The following LYST variants were observed in gnomAD, a reference collection of about 807,000 sequenced individuals.
LYST encodes lysosomal-trafficking regulator.
Under a neutral mutation model 413.6 loss-of-function variants are expected in LYST, and 192 were observed. The ratio of observed to expected loss-of-function variants is 0.46; its 90% confidence interval spans 0.41 to 0.52. LYST has a LOEUF of 0.52. LYST is among the 20% of genes least tolerant of loss of function. The pLI is 0.00. For missense variants in LYST, 3,815 were observed against 4,499.9 expected, an observed-to-expected ratio of 0.85 and a Z score of 4.35; for synonymous variants, 1,525 against 1,567.3, an observed-to-expected ratio of 0.97 and a Z score of 0.64.
Position 235,666,635 on chromosome 1 carries a change from CAT to C in LYST, c.11039-2016_11039-2015del, listed in dbSNP as rs1342573422. 6.7e-4 allele frequency among the ~76,000 whole-genome samples: 100 copies of C among 150,370 alleles called. 1 individual carries two copies. The highest frequency in any genetic ancestry group is 2.2e-3 in the African/African-American group (90 of 40,082). On this transcript the variant is annotated intron_variant, in intron 50 of 52. Transcript: ENST00000389793. ...ACACACACACACACACACACACACACATGCCCAATGTTCTACTAAGTTTTCCC... is the reference window on the plus strand; with the variant it reads ...ACACACACACACACACACACACACACGCCCAATGTTCTACTAAGTTTTCCC...
chr1:235,740,751 G>T (rs1347497363), intron 31 of LYST, among the ~76,000 whole-genome samples: 1 of 152,152 alleles, frequency 6.6e-6, no homozygotes, highest in Non-Finnish European at 1.5e-5. Context: ...TATGAAAAAG[G>T]CTGACATAGA....
intron 14 of LYST, 121 bp downstream of exon 14, chr1:235,787,079 G>T: frequency 1.4e-6 from 1 of 732,088 alleles, no homozygotes; most frequent in South Asian, 1.7e-5. Flanking sequence ...AAAAAATATA[G>T]TAAATTTTAT....
In LYST at chr1:235,689,663, C is replaced by T. The variant is rs553124105; in HGVS notation, c.10702-2616G>A. 5.3e-5 allele frequency among the ~76,000 whole-genome samples: 8 copies of T among 152,236 alleles called. No homozygotes were observed. In the South Asian group the frequency reaches 6.2e-4, roughly 12 times the overall value. ...AGATCTTAAATATTCTCATCACACACGTAAAAAATGCTAACTATGTGAGGT... is the reference window on the plus strand; with the variant it reads ...AGATCTTAAATATTCTCATCACACATGTAAAAAATGCTAACTATGTGAGGT... On this transcript the variant is annotated intron_variant, in intron 47 of 52. Transcript: ENST00000389793.
At chr1:235,737,228 T>C (rs1321990503) in intron 31 of LYST, 1 of 152,202 alleles carries the variant, frequency 6.6e-6, no homozygotes, top group Non-Finnish European at 1.5e-5. Flanking sequence ...GTGATCATGT[T>C]GATCATCTTA....
intron 25 of LYST, among the ~76,000 whole-genome samples, chr1:235,754,813 C>T (rs1038322702): frequency 1.3e-5 from 2 of 152,016 alleles, no homozygotes; most frequent in Non-Finnish European, 1.5e-5. Flanking sequence ...GTGGCCCACA[C>T]CTATAATCCC....
At chr1:235,776,850 T>C (rs1669304164) in intron 17 of LYST, among the ~76,000 whole-genome samples, 1 of 152,148 alleles carries the variant, frequency 6.6e-6, no homozygotes, top group Admixed American at 6.5e-5. Context: ...CATTTTTGGT[T>C]AATAGAAAAC....
intron 23 of LYST, among the ~76,000 whole-genome samples, chr1:235,758,505 G>A (rs1279135673): frequency 6.6e-6 from 1 of 152,180 alleles, no homozygotes; most frequent in Non-Finnish European, 1.5e-5. Flanking sequence ...TGAGTGGAAT[G>A]GAGCAGCCAC....
chr1:235,736,168 A>G lies in LYST; in HGVS notation c.8359-1509T>C, dbSNP rs191280423. 6.6e-5 allele frequency: 10 copies of G among 152,268 alleles called. No homozygotes were observed. The East Asian group carries it at 1.3e-3, about 21-fold the overall frequency. 9.4% of individuals were successfully genotyped at this position (152,268 alleles called of 1,614,324 possible). On this transcript the variant is annotated intron_variant, in intron 31 of 52. Coordinates refer to ENST00000389793, the MANE Select transcript of LYST (RefSeq NM_000081.4). ...CTTACTGATGATCATTTCAGGGACT[A>G]TAAAAGGTGTCACTGGGAATAGATA...
In LYST at chr1:235,715,301, C is replaced by A. The variant is rs1233014408; in HGVS notation, c.9684G>T (p.Val3228=). ...GAREDDPMPP[V]QPYHYGSHYS... The stretch of plus-strand genomic sequence containing the variant: ...AGTGGGAGCCATAGTGATAGGGCTG[C>A]ACGGGAGGCATGGGGTCATCTTCTC... Residue 3228 remains valine (V), a synonymous_variant, in exon 42 of 53, where the codon GTG becomes GTT. Coordinates refer to ENST00000389793, the MANE Select transcript of LYST (RefSeq NM_000081.4). 3.7e-6 allele frequency: 6 copies of A among 1,614,030 alleles called. No individual in the cohort carries two copies. Among genetic ancestry groups the A allele is most frequent in the Middle Eastern group, 1.7e-4 (1 of 6,052 alleles).
intron 17 of LYST, among the ~76,000 whole-genome samples, chr1:235,775,573 C>G (rs904153145): frequency 1.3e-5 from 2 of 152,180 alleles, no homozygotes; most frequent in Non-Finnish European, 2.9e-5. Flanking sequence ...GAAACACACA[C>G]TTATTATCAT....
At chr1:235,800,419 CT>C in intron 9 of LYST, 33 bp from the exon 10 acceptor site, 2 of 1,197,958 alleles carry the variant, frequency 1.7e-6, no homozygotes, top group Non-Finnish European at 1.2e-6. Flanking sequence ...AATTAAATTA[CT>C]TACCTCACAG....
At chr1:235,763,001 T>G (rs1434986504) in intron 21 of LYST, 150 bp from the exon 22 acceptor site, 1 of 642,406 alleles carries the variant, frequency 1.6e-6, no homozygotes. Flanking sequence ...AGGCACACGA[T>G]ATGTGAATAC....
rs2103116718 is a variant in LYST at position 235,854,123 on chromosome 1, T to A, written c.-98+12720A>T. Among the ~76,000 whole-genome samples the A allele has an allele frequency of 6.6e-6, 1 of 152,312 alleles. No homozygotes were observed. The highest frequency in any genetic ancestry group is 6.5e-5 in the Admixed American group (1 of 15,304). ...CCTTTGGATTTTTATAGCATGATGA[T>A]GATGATGATAATCTGGCTAACACCT... On this transcript the variant is annotated intron_variant, in intron 1 of 52. Transcript: ENST00000389793. The surrounding 1 kb of genome is among the most constrained non-coding windows in gnomAD (Gnocchi z 4.1).
In LYST at chr1:235,787,254, G is replaced by C; in HGVS notation, c.4808C>G (p.Pro1603Arg). ...CCCATGAATCCTCCTTTTCCCTTGG[G>C]GCTGCTGTAAGTAGGTGAGTACTAA... ...QHLVLTYLQQ[P>R]QGKRRIHGKI... The change falls in exon 14 of 53, where the codon CCC becomes CGC. Residue 1603 changes from proline to arginine, a missense_variant. By Grantham distance (103) the Pro-to-Arg change is moderately radical. Transcript: ENST00000389793. The C allele has an allele frequency of 1.2e-6, 2 of 1,613,736 alleles. No homozygotes were observed. The highest frequency in any genetic ancestry group is 1.7e-6 in the Non-Finnish European group (2 of 1,179,772).
At chr1:235,701,249 C>T (rs561462566) in intron 45 of LYST, among the ~76,000 whole-genome samples, 2 of 152,312 alleles carry the variant, frequency 1.3e-5, no homozygotes, top group African/African-American at 2.4e-5. Flanking sequence ...ACAACTTTAA[C>T]AGCTAACGAG....
At position 235,662,206 on chromosome 1, in the gene LYST, C is replaced by T. The variant is rs897852215; in HGVS notation, c.*734G>A. 1.3e-5 allele frequency: 2 copies of T among 152,808 alleles called. No homozygotes were observed. Among genetic ancestry groups the T allele is most frequent in the Non-Finnish European group, 2.9e-5 (2 of 68,562 alleles). 9.5% of individuals were successfully genotyped at this position (152,808 alleles called of 1,614,324 possible). On this transcript the variant is annotated 3_prime_UTR_variant, in exon 53 of 53. Coordinates refer to ENST00000389793, the MANE Select transcript of LYST (RefSeq NM_000081.4). Reference sequence around the variant, plus strand: ...TGACTCAACTAAGGATAGTCAATATCTAGCGTTACAGATTTTAAGTAAAAT... The same window carrying T: ...TGACTCAACTAAGGATAGTCAATATTTAGCGTTACAGATTTTAAGTAAAAT...
In LYST at chr1:235,877,291, C is replaced by T. The variant is rs1386868841; in HGVS notation, n.454+5896G>A. 3.3e-5 allele frequency among the ~76,000 whole-genome samples: 5 copies of T among 152,156 alleles called. No individual in the cohort carries two copies. In the East Asian group the frequency reaches 5.8e-4, roughly 18 times the overall value. ...CACTCTACCAGGTGTTTGCTGGAGC[C>T]TCTGATGGAAGAAAAATCCTTCTCC... is the stretch of plus-strand genomic sequence containing the variant. On this transcript the variant is annotated intron_variant and non_coding_transcript_variant, in intron 1 of 11. Coordinates refer to the LYST transcript ENST00000465349.
chr1:235,840,607 A>G (rs901930154), intron 1 of LYST, among the ~76,000 whole-genome samples: 2 of 152,168 alleles, frequency 1.3e-5, no homozygotes, highest in African/African-American at 4.8e-5. Context: ...TTCATAGGTG[A>G]TTCTAATGAA....
Position 235,812,978 on chromosome 1 carries a change from CT to C in LYST, c.275del (p.Lys92ArgfsTer13). The C allele has an allele frequency of 6.2e-7, 1 of 1,605,084 alleles. No individual in the cohort carries two copies. Among genetic ancestry groups the C allele is most frequent in the Non-Finnish European group, 8.5e-7 (1 of 1,172,120 alleles). On this transcript the variant is annotated frameshift_variant, in exon 4 of 53. Coordinates refer to ENST00000389793, the MANE Select transcript of LYST (RefSeq NM_000081.4). LOFTEE classifies it high-confidence loss of function. The stretch of plus-strand genomic sequence containing the variant: ...TAAAGGGAAAAAGCATACCTGTTGC[CT>C]TTTCTTCTTGGACAGGTATCTTCCA... ...LVWKIPVQEE[K>X]ATDFNLPLSA...
Sources: allele counts gnomAD v4.1 joint callset (sites outside exome capture counted in the v4.1 genomes callset), GRCh38; gene constraint gnomAD v4.1.1; non-coding constraint Gnocchi (gnomAD v3.1); transcripts MANE v1.5; gene names NCBI Gene and HGNC (gene_info 2026-07-23, HGNC 2026-07-21).